The following SMCHD1 variants were observed in gnomAD, a reference collection of about 807,000 sequenced individuals.
SMCHD1 encodes structural maintenance of chromosomes flexible hinge domain-containing protein 1.
Under a neutral mutation model 254.7 loss-of-function variants are expected in SMCHD1, and 78 were observed. The ratio of observed to expected loss-of-function variants is 0.31; its 90% CI spans 0.26 to 0.37. The LOEUF is 0.37. Among genes scored for constraint, SMCHD1 ranks in the 10% least tolerant of loss-of-function variants. The probability of loss-of-function intolerance (pLI) is 1.00; values close to 1 mark genes in which losing one functional copy is unlikely to be tolerated. For missense variants in SMCHD1, 1,840 were observed against 2,408.1 expected, an observed-to-expected ratio of 0.76 and a Z score of 4.94; for synonymous variants, 766 against 794.9, an observed-to-expected ratio of 0.96 and a Z score of 0.61.
chr18:2,706,520 A>T, intron 15 of SMCHD1, 50 bp downstream of exon 15: 2 of 1,289,900 alleles, frequency 1.6e-6, no homozygotes, highest in South Asian at 2.6e-5. Context: ...ATTGGAAAGA[A>T]TTGTGCTGTA....
At chr18:2,728,332 A>G (rs2075065192) in intron 22 of SMCHD1, 125 bp from the exon 23 acceptor site, 1 of 956,020 alleles carries the variant, frequency 1.0e-6, no homozygotes, top group Non-Finnish European at 1.5e-6. Flanking sequence ...CATTGCCTAT[A>G]TTTTTCTTTC....
chr18:2,760,089 G>A (rs997177402), intron 34 of SMCHD1, among the ~76,000 whole-genome samples: 10 of 152,112 alleles, frequency 6.6e-5, no homozygotes, highest in Non-Finnish European at 1.0e-4. Flanking sequence ...GAGCCACATC[G>A]CACATATTGT....
chr18:2,766,747 C>T (rs961826447), intron 37 of SMCHD1, among the ~76,000 whole-genome samples: 9 of 152,176 alleles, frequency 5.9e-5, no homozygotes, highest in Admixed American at 2.0e-4. Flanking sequence ...TTTCTGATGG[C>T]AGTGTCTAAG....
intron 44 of SMCHD1, among the ~76,000 whole-genome samples, chr18:2,782,639 G>A (rs908179424): frequency 2.0e-5 from 3 of 149,056 alleles, no homozygotes; most frequent in African/African-American, 7.4e-5. Context: ...CAGCTATTCA[G>A]GTGGCTCAGT....
intron 1 of SMCHD1, 141 bp from the exon 2 acceptor site, chr18:2,666,016 A>G: frequency 4.1e-6 from 2 of 482,518 alleles, no homozygotes; most frequent in South Asian, 3.4e-5. Context: ...AAATTTAGAT[A>G]TACTGAGTTT....
chr18:2,706,279 T>C, intron 14 of SMCHD1, 85 bp from the exon 15 acceptor site: 1 of 865,968 alleles, frequency 1.2e-6, no homozygotes, highest in Non-Finnish European at 1.8e-6. Context: ...ATATATTTCT[T>C]TGGAAGAAAC....
intron 29 of SMCHD1, among the ~76,000 whole-genome samples, chr18:2,745,977 A>T (rs1003511364): frequency 3.3e-5 from 5 of 152,154 alleles, no homozygotes; most frequent in Admixed American, 3.3e-4. Flanking sequence ...CATTAACATG[A>T]TGAATAGAAA....
intron 34 of SMCHD1, chr18:2,752,922 CA>C (rs1045002560): frequency 2.1e-4 from 38 of 182,884 alleles, no homozygotes; most frequent in African/African-American, 8.4e-4. Context: ...CCTCCATTTT[CA>C]AATCTAAAAA....
intron 47 of SMCHD1, among the ~76,000 whole-genome samples, chr18:2,799,679 T>G (rs1370074511): frequency 6.6e-6 from 1 of 152,218 alleles, no homozygotes; most frequent in Non-Finnish European, 1.5e-5. Flanking sequence ...TTCCTTACTC[T>G]GTTATTCTTA....
At chr18:2,742,570 G>C (rs1328816879) in intron 28 of SMCHD1, among the ~76,000 whole-genome samples, 1 of 151,956 alleles carries the variant, frequency 6.6e-6, no homozygotes, top group Non-Finnish European at 1.5e-5. Context: ...TGGGCTTTTC[G>C]GAGAGATTAA....
At position 2,732,297 on chromosome 18, in the gene SMCHD1, T is replaced by G; in HGVS notation, c.3081T>G (p.Thr1027=). 1 of 1,613,830 alleles carries G rather than the reference T, an allele frequency of 6.2e-7. No individual in the cohort carries two copies. The highest frequency in any genetic ancestry group is 8.5e-7 in the Non-Finnish European group (1 of 1,179,790). Reference sequence around the variant, plus strand: ...AAGATGTGGCACCTGTGGAGAAGACTATTAAGTTGCTTCCCAGTAGCCATG... The same window carrying G: ...AAGATGTGGCACCTGTGGAGAAGACGATTAAGTTGCTTCCCAGTAGCCATG... ...SCKDVAPVEK[T]IKLLPSSHVA... is the part of the protein sequence containing the mutation. The change falls in exon 25 of 48, where the codon ACT becomes ACG. Residue 1027 remains threonine, a synonymous_variant. Transcript: ENST00000320876.
chr18:2,746,595 T>A (rs1164700968), intron 29 of SMCHD1, among the ~76,000 whole-genome samples: 2 of 152,232 alleles, frequency 1.3e-5, no homozygotes, highest in Admixed American at 6.5e-5. Flanking sequence ...TTTTTCATAA[T>A]GTCTTATTCA....
intron 25 of SMCHD1, 92 bp from the exon 26 acceptor site, chr18:2,738,305 G>A (rs1267110595): frequency 4.3e-5 from 50 of 1,172,714 alleles, no homozygotes; most frequent in East Asian, 1.1e-4. Flanking sequence ...TGAAGAAGAC[G>A]GATTATAATG....
In SMCHD1 at chr18:2,737,416, A is replaced by T. The variant is rs568929514; in HGVS notation, c.3277-981A>T. Among the ~76,000 whole-genome samples the T allele has an allele frequency of 3.9e-5, 6 of 152,278 alleles. No individual in the cohort carries two copies. The East Asian group carries it at 9.6e-4, about 24-fold the overall frequency. On this transcript the variant is annotated intron_variant, in intron 25 of 47. Coordinates refer to ENST00000320876, the MANE Select transcript of SMCHD1 (RefSeq NM_015295.3). The stretch of plus-strand genomic sequence containing the variant: ...AAAGTGTAATTTAGAAATTTTTTTT[A>T]AAAAGACTATTAGTGATTTTAAGGC...
chr18:2,726,753 G>A (rs2075034564), intron 22 of SMCHD1: 1 of 232,592 alleles, frequency 4.3e-6, no homozygotes, highest in South Asian at 9.7e-5. Flanking sequence ...TTTGGATATT[G>A]AAAATGTTTG....
chr18:2,672,444 T>G (rs1364183496), intron 3 of SMCHD1, among the ~76,000 whole-genome samples: 3 of 152,124 alleles, frequency 2.0e-5, no homozygotes, highest in Non-Finnish European at 2.9e-5. Context: ...GCCAGGCTGG[T>G]CTCAAACTCC....
In SMCHD1 at chr18:2,681,499, C is replaced by T. The variant is rs1343819792; in HGVS notation, c.639-6895C>T. Among the ~76,000 whole-genome samples, 4 of 147,626 alleles carry T rather than the reference C, an allele frequency of 2.7e-5. No individual in the cohort carries two copies. The East Asian group carries it at 8.0e-4, about 29-fold the overall frequency. ...TCTCAGGAGGCTAAGATGAGAGGAT[C>T]GCTTGAGACTAGGAGGTCGAGGCCG... On this transcript the variant is annotated intron_variant, in intron 5 of 47. Transcript: ENST00000320876.
At chr18:2,709,219 T>C (rs1198923275) in intron 17 of SMCHD1, among the ~76,000 whole-genome samples, 1 of 102,860 alleles carries the variant, frequency 9.7e-6, no homozygotes, top group African/African-American at 4.1e-5. Flanking sequence ...TGTGTGTATA[T>C]ATGTGTATAT....
intron 5 of SMCHD1, among the ~76,000 whole-genome samples, chr18:2,678,215 TTC>T: frequency 3.4e-5 from 1 of 29,810 alleles, no homozygotes; most frequent in African/African-American, 5.8e-5. Flanking sequence ...TTTCTTTTCT[TTC>T]TTTCTTTTTC....
Sources: gnomAD v4.1 joint callset for allele counts (sites outside exome capture counted in the v4.1 genomes callset) on GRCh38, gnomAD v4.1.1 for gene constraint, MANE v1.5 for transcripts, NCBI Gene and HGNC (gene_info 2026-07-23, HGNC 2026-07-21) for gene names.